The following PXDNL variants were observed in gnomAD, a reference collection of about 807,000 sequenced individuals.
PXDNL encodes the protein probable oxidoreductase PXDNL.
In PXDNL, 145 loss-of-function variants were observed where a neutral mutation model predicts 150.8. The observed-to-expected ratio is 0.96, with a 90% confidence interval of 0.84 to 1.10. The LOEUF is 1.10. Ranked by LOEUF, PXDNL falls within the 50% of genes least tolerant of loss-of-function variation. The pLI is 0.00. For missense variants in PXDNL, 2,087 were observed against 1,873.9 expected, an observed-to-expected ratio of 1.11 and a Z score of -2.10; for synonymous variants, 757 against 725.7, an observed-to-expected ratio of 1.04 and a Z score of -0.69.
intron 4 of PXDNL, among the ~76,000 whole-genome samples, chr8:51,509,326 G>A (rs1233496555): frequency 6.6e-6 from 1 of 151,952 alleles, no homozygotes; most frequent in African/African-American, 2.4e-5. Context: ...CCATTATAAG[G>A]CCTGTTGGAT....
At chr8:51,501,597 A>C (rs1248516072) in intron 4 of PXDNL, among the ~76,000 whole-genome samples, 1 of 150,582 alleles carries the variant, frequency 6.6e-6, no homozygotes, top group African/African-American at 2.4e-5. Flanking sequence ...CACTCACCTA[A>C]TCTCACACAC....
chr8:51,359,685 T>A (rs1806649646), intron 19 of PXDNL, among the ~76,000 whole-genome samples: 1 of 152,216 alleles, frequency 6.6e-6, no homozygotes, highest in Admixed American at 6.5e-5. Context: ...AGTTTGACAC[T>A]GGATTGATAA....
rs1222265494 is a variant in PXDNL at position 51,378,377 on chromosome 8, T to C, written c.3558-3646A>G. On this transcript the variant is annotated intron_variant, in intron 17 of 22. Transcript: ENST00000356297. ...TAAATGCACCAGTCACTGCTCTGTC[T>C]AGCTAATCTAGTGAGGACTTGGAGA... is the stretch of plus-strand genomic sequence containing the variant. Among the ~76,000 whole-genome samples the C allele has an allele frequency of 6.6e-5, 10 of 152,226 alleles. 1 individual carries two copies. The highest frequency in any genetic ancestry group is 2.4e-4 in the African/African-American group (10 of 41,458).
chr8:51,758,728 G>A lies in PXDNL; in HGVS notation c.164+50453C>T, dbSNP rs551473411. Among the ~76,000 whole-genome samples the A allele has an allele frequency of 2.3e-3, 343 of 152,252 alleles. 2 individuals carry two copies. Among genetic ancestry groups the A allele is most frequent in the African/African-American group, 7.8e-3 (325 of 41,546 alleles). ...CCTTCACCTTCTGCCATGACTGTAA[G>A]TTTCTGAGGCCTCCCCAGTCATGCA... On this transcript the variant is annotated intron_variant, in intron 1 of 22. Transcript: ENST00000356297.
intron 2 of PXDNL, among the ~76,000 whole-genome samples, chr8:51,632,621 T>TA (rs1257848670): frequency 6.6e-6 from 1 of 152,100 alleles, no homozygotes; most frequent in Non-Finnish European, 1.5e-5. Flanking sequence ...ATAAAGTATT[T>TA]AAAAAATAAA....
intron 2 of PXDNL, among the ~76,000 whole-genome samples, chr8:51,639,839 C>T (rs1173058471): frequency 6.6e-6 from 1 of 152,090 alleles, no homozygotes; most frequent in African/African-American, 2.4e-5. Flanking sequence ...GGGAATCCTC[C>T]CTAACTCATT....
intron 4 of PXDNL, among the ~76,000 whole-genome samples, chr8:51,531,110 G>A (rs116018257): frequency 0.012 from 1,819 of 152,298 alleles, 23 homozygotes; most frequent in African/African-American, 0.025. Context: ...GACACTAACA[G>A]GAAGAGGGCA....
At chr8:51,462,653 A>C (rs189863899) in intron 8 of PXDNL, among the ~76,000 whole-genome samples, 292 of 152,348 alleles carry the variant, frequency 1.9e-3, no homozygotes, top group African/African-American at 5.3e-3. Context: ...GGATTACATA[A>C]GGAGACCAAA....
chr8:51,660,696 C>T (rs976601512), intron 1 of PXDNL, among the ~76,000 whole-genome samples: 1 of 152,154 alleles, frequency 6.6e-6, no homozygotes, highest in Non-Finnish European at 1.5e-5. Flanking sequence ...AGCCTGCCAC[C>T]GCAGAAAGAA....
At chr8:51,546,324 C>T (rs1812360872) in intron 4 of PXDNL, among the ~76,000 whole-genome samples, 1 of 152,198 alleles carries the variant, frequency 6.6e-6, no homozygotes, top group South Asian at 2.1e-4. Context: ...CCATACCACC[C>T]TGAAAGTGCC....
At chr8:51,466,064 A>T (rs1358592830) in intron 8 of PXDNL, among the ~76,000 whole-genome samples, 1 of 152,146 alleles carries the variant, frequency 6.6e-6, no homozygotes, top group Non-Finnish European at 1.5e-5. Flanking sequence ...TAAAATTCAT[A>T]TGAAACAGAA....
chr8:51,336,971 C>A (rs1164710068), intron 21 of PXDNL, among the ~76,000 whole-genome samples: 1 of 152,114 alleles, frequency 6.6e-6, no homozygotes, highest in Non-Finnish European at 1.5e-5. Flanking sequence ...TGTTCCAACA[C>A]AAAGAAACTG....
At chr8:51,637,356 A>T (rs1041188442) in intron 2 of PXDNL, among the ~76,000 whole-genome samples, 1 of 152,240 alleles carries the variant, frequency 6.6e-6, no homozygotes, top group Admixed American at 6.5e-5. Flanking sequence ...ACAGAGAATG[A>T]CTTTGACGAG....
Position 51,565,375 on chromosome 8 carries a change from T to C in PXDNL, c.309-8464A>G, listed in dbSNP as rs570887222. On this transcript the variant is annotated intron_variant, in intron 3 of 22. Transcript: ENST00000356297. Reference sequence around the variant, plus strand: ...ATAAATACAGTGCACAGTAACTTTTTAGTTGAAAAACCACACAATAGGTGG... The same window carrying C: ...ATAAATACAGTGCACAGTAACTTTTCAGTTGAAAAACCACACAATAGGTGG... Among the ~76,000 whole-genome samples, 9 of 151,842 alleles carry C rather than the reference T, an allele frequency of 5.9e-5. No homozygotes were observed. The South Asian group carries it at 1.7e-3, about 28-fold the overall frequency.
rs141383941 is a variant in PXDNL at position 51,530,468 on chromosome 8, A to T, written c.380+26372T>A. ...CAGCCAGAATGATCCTTTCAAACAT[A>T]AATCAGATCTGTCATTGCTCAGCTG... On this transcript the variant is annotated intron_variant, in intron 4 of 22. Coordinates refer to ENST00000356297, the MANE Select transcript of PXDNL (RefSeq NM_144651.5). Among the ~76,000 whole-genome samples the T allele has an allele frequency of 3.4e-4, 52 of 152,244 alleles. No individual in the cohort carries two copies. In the East Asian group the frequency reaches 8.9e-3, roughly 26 times the overall value.
intron 1 of PXDNL, among the ~76,000 whole-genome samples, chr8:51,774,683 T>C (rs1279525322): frequency 6.6e-6 from 1 of 151,820 alleles, no homozygotes; most frequent in Non-Finnish European, 1.5e-5. Context: ...CCAGGCATGG[T>C]GGTGGGTGCC....
At chr8:51,616,741 G>T (rs938581482) in intron 2 of PXDNL, among the ~76,000 whole-genome samples, 1 of 152,280 alleles carries the variant, frequency 6.6e-6, no homozygotes, top group Admixed American at 6.5e-5. Context: ...GAGGCACATG[G>T]TGTGAAATTC....
chr8:51,582,035 G>A (rs1040199595), intron 3 of PXDNL, among the ~76,000 whole-genome samples: 1 of 152,012 alleles, frequency 6.6e-6, no homozygotes, highest in African/African-American at 2.4e-5. Context: ...TTAAATGTAT[G>A]TGTATATATA....
intron 1 of PXDNL, among the ~76,000 whole-genome samples, chr8:51,769,412 C>G (rs144593112): frequency 1.1e-4 from 16 of 152,220 alleles, no homozygotes; most frequent in African/African-American, 3.9e-4. Context: ...CCACCTGTCT[C>G]TACTCTTACT....
Sources: gnomAD v4.1 joint callset for allele counts (sites outside exome capture counted in the v4.1 genomes callset) on GRCh38, gnomAD v4.1.1 for gene constraint, MANE v1.5 for transcripts, NCBI Gene and HGNC (gene_info 2026-07-23, HGNC 2026-07-21) for gene names.